The following UBE2E3 variants were observed in gnomAD, a reference collection of about 807,000 sequenced individuals.
UBE2E3 encodes the protein ubiquitin-conjugating enzyme E2 E3.
In UBE2E3, 5 loss-of-function variants were observed where a neutral mutation model predicts 23.6. That is an observed-to-expected ratio of 0.21 (90% CI 0.11 to 0.44). The LOEUF is 0.44. Among genes scored for constraint, UBE2E3 ranks in the 20% least tolerant of loss-of-function variants. The pLI is 0.99. For missense variants in UBE2E3, 81 were observed against 249.8 expected (o/e 0.32, Z 4.55); for synonymous variants, 78 against 87.5 (o/e 0.89, Z 0.60).
In UBE2E3 at chr2:181,057,630, T is replaced by G. The variant is rs893538791; in HGVS notation, c.246-63T>G. 8 of 1,391,826 alleles carry G rather than the reference T, an allele frequency of 5.7e-6. No individual in the cohort carries two copies. In the East Asian group the frequency reaches 1.6e-4, roughly 28 times the overall value. 86.2% of individuals were successfully genotyped at this position (1,391,826 alleles called of 1,614,324 possible). ...AATTTACCTTTAACACTTCCCTGGT[T>G]TTAGGATATTAACATTCATTGCTAA... On this transcript the variant is annotated intron_variant, in intron 3 of 5. Transcript: ENST00000410062.
chr2:180,996,990 T>C (rs570775268), intron 3 of UBE2E3, among the ~76,000 whole-genome samples: 13 of 152,282 alleles, frequency 8.5e-5, no homozygotes, highest in Non-Finnish European at 1.3e-4. Context: ...ATGGCTCTTA[T>C]AAATATGTGA....
rs528514451 is a variant in UBE2E3, at chr2:180,999,242, C to G, written c.245+15149C>G. ...GCAAAGAATGGCAGTTCCTAGTACTCTGACGTTCCACAGTAGGCTAAAGAA... is the reference window on the plus strand; with the variant it reads ...GCAAAGAATGGCAGTTCCTAGTACTGTGACGTTCCACAGTAGGCTAAAGAA... On this transcript the variant is annotated intron_variant, in intron 3 of 5. Coordinates refer to ENST00000410062, the MANE Select transcript of UBE2E3 (RefSeq NM_006357.4). Among the ~76,000 whole-genome samples the G allele has an allele frequency of 1.7e-3, 252 of 152,268 alleles. 1 individual carries two copies. The highest frequency in any genetic ancestry group is 6.8e-3 in the Middle Eastern group (2 of 294).
In UBE2E3 at chr2:181,056,081, TAA is replaced by T. The variant is rs58442227; in HGVS notation, c.246-1595_246-1594del. Among the ~76,000 whole-genome samples the T allele has an allele frequency of 5.5e-3, 751 of 135,620 alleles. 1 individual carries two copies. The highest frequency in any genetic ancestry group is 0.013 in the East Asian group (59 of 4,634). The allele number at this position is 135,620 out of a possible 152,430, so 89.0% of individuals were successfully genotyped here. ...CCTTATGCCAAAGGAAGGAAATGCT[TAA>T]AAAAAAAAAAAAAAAAGATGCTAAC... On this transcript the variant is annotated intron_variant, in intron 3 of 5. Coordinates refer to ENST00000410062, the MANE Select transcript of UBE2E3 (RefSeq NM_006357.4).
chr2:181,056,659 T>C (rs1472542552), intron 3 of UBE2E3, among the ~76,000 whole-genome samples: 3 of 151,632 alleles, frequency 2.0e-5, no homozygotes, highest in African/African-American at 7.3e-5. Flanking sequence ...CGTTTGGGGG[T>C]CAGATTTCAA....
At chr2:181,049,429 T>C (rs1328841796) in intron 3 of UBE2E3, among the ~76,000 whole-genome samples, 1 of 152,070 alleles carries the variant, frequency 6.6e-6, no homozygotes, top group African/African-American at 2.4e-5. Flanking sequence ...TTTCACCTTG[T>C]GTATGGTTGT....
intron 3 of UBE2E3, among the ~76,000 whole-genome samples, chr2:180,984,716 A>C (rs1301484342): frequency 6.6e-6 from 1 of 152,218 alleles, no homozygotes; most frequent in African/African-American, 2.4e-5. Context: ...CAGTAAATGA[A>C]TTGGAATTGT....
intron 3 of UBE2E3, among the ~76,000 whole-genome samples, chr2:181,031,235 A>G (rs1442766613): frequency 2.0e-5 from 3 of 152,054 alleles, no homozygotes; most frequent in Admixed American, 1.3e-4. Flanking sequence ...ATTGTTACAT[A>G]TAGGGTTTGC....
intron 3 of UBE2E3, among the ~76,000 whole-genome samples, chr2:181,029,388 C>A (rs1164915586): frequency 1.3e-5 from 2 of 152,000 alleles, no homozygotes; most frequent in Non-Finnish European, 2.9e-5. Context: ...AAGTAGAATT[C>A]TTAAAAATGT....
intron 3 of UBE2E3, among the ~76,000 whole-genome samples, chr2:181,022,639 G>C (rs1685743989): frequency 6.6e-6 from 1 of 151,490 alleles, no homozygotes; most frequent in African/African-American, 2.4e-5. Flanking sequence ...TAGCACTTTA[G>C]CATTATGTTG....
chr2:180,984,116 T>A (rs1684383561), intron 3 of UBE2E3, 23 bp downstream of exon 3: 1 of 1,601,272 alleles, frequency 6.2e-7, no homozygotes, highest in South Asian at 1.1e-5. Context: ...TTTTGTTGTT[T>A]TGGTTTCAAA....
intron 3 of UBE2E3, among the ~76,000 whole-genome samples, chr2:181,043,359 A>G (rs549272663): frequency 9.8e-5 from 15 of 152,328 alleles, no homozygotes; most frequent in Non-Finnish European, 1.3e-4. Flanking sequence ...AGTGGCTGAG[A>G]TACAGTGCTT....
At chr2:181,059,531 C>T (rs1252242961) in intron 4 of UBE2E3, among the ~76,000 whole-genome samples, 1 of 151,580 alleles carries the variant, frequency 6.6e-6, no homozygotes, top group Non-Finnish European at 1.5e-5. Context: ...TTAGTTAACC[C>T]AACATATTAA....
In UBE2E3 at chr2:181,021,098, C is replaced by T. The variant is rs554960789; in HGVS notation, c.246-36595C>T. Among the ~76,000 whole-genome samples, 6 of 152,252 alleles carry T rather than the reference C, an allele frequency of 3.9e-5. No homozygotes were observed. In the East Asian group the frequency reaches 1.2e-3, roughly 29 times the overall value. ...AATTATTTCAGGGAAAGGTGGTTTA[C>T]AGAAATAGGATAATAGCTACAGCAA... On this transcript the variant is annotated intron_variant, in intron 3 of 5. Transcript: ENST00000410062.
chr2:181,041,854 C>T (rs1341516597), intron 3 of UBE2E3, among the ~76,000 whole-genome samples: 1 of 152,154 alleles, frequency 6.6e-6, no homozygotes, highest in African/African-American at 2.4e-5. Flanking sequence ...TCTGGAAGAG[C>T]AGTGGAGTGT....
chr2:181,042,191 T>G (rs1408207091), intron 3 of UBE2E3, among the ~76,000 whole-genome samples: 1 of 152,216 alleles, frequency 6.6e-6, no homozygotes, highest in Admixed American at 6.5e-5. Context: ...TCCAGATGTT[T>G]GAAAATTAAT....
At chr2:181,000,647 C>T (rs545958041) in intron 3 of UBE2E3, among the ~76,000 whole-genome samples, 50 of 151,714 alleles carry the variant, frequency 3.3e-4, no homozygotes, top group Admixed American at 2.3e-3. Flanking sequence ...CTCTGTCTCC[C>T]GGGTTCACGC....
chr2:181,031,537 T>C lies in UBE2E3; in HGVS notation c.246-26156T>C, dbSNP rs139390331. ...TTTATTTATTTAGTCTGACAGTCTT[T>C]TAAGAGTTTGGTTTGTTTGTATTCA... On this transcript the variant is annotated intron_variant, in intron 3 of 5. Coordinates refer to ENST00000410062, the MANE Select transcript of UBE2E3 (RefSeq NM_006357.4). Among the ~76,000 whole-genome samples the C allele has an allele frequency of 2.7e-4, 41 of 152,294 alleles. 2 individuals carry two copies. The East Asian group carries it at 7.5e-3, about 28-fold the overall frequency.
At chr2:181,054,933 A>C (rs1322175789) in intron 3 of UBE2E3, among the ~76,000 whole-genome samples, 1 of 151,808 alleles carries the variant, frequency 6.6e-6, no homozygotes, top group African/African-American at 2.4e-5. Context: ...GAAAGCTAAC[A>C]AAGTATGTTA....
chr2:180,987,451 A>T, intron 3 of UBE2E3: 1 of 1,520,208 alleles, frequency 6.6e-7, no homozygotes, highest in South Asian at 1.2e-5. Context: ...AAGCACAAAT[A>T]TACTGACGAA....
Sources: allele counts gnomAD v4.1 joint callset (sites outside exome capture counted in the v4.1 genomes callset), GRCh38; gene constraint gnomAD v4.1.1; transcripts MANE v1.5; gene names NCBI Gene and HGNC (gene_info 2026-07-23, HGNC 2026-07-21).